CNOT6: variants seen among roughly 807,000 people sequenced by gnomAD.
CNOT6 encodes the protein CCR4-NOT transcription complex subunit 6, also known as carbon catabolite repression 4 protein.
CNOT6 carries 12 observed loss-of-function variants against 61.2 expected under a neutral mutation model. That is an observed-to-expected ratio of 0.20 (90% CI 0.13 to 0.32). The LOEUF (loss-of-function observed/expected upper bound fraction) is 0.32. Ranked by LOEUF, CNOT6 falls within the 10% of genes least tolerant of loss-of-function variation. The pLI is 1.00. For synonymous variants in CNOT6, 225 were observed against 240.6 expected, an observed-to-expected ratio of 0.94 and a Z score of 0.60; for missense variants, 405 against 663.9, an observed-to-expected ratio of 0.61 and a Z score of 4.28.
At chr5:180,498,354 T>C (rs1458254079) in intron 1 of CNOT6, among the ~76,000 whole-genome samples, 11 of 152,200 alleles carry the variant, frequency 7.2e-5, no homozygotes, top group Non-Finnish European at 1.5e-5. Flanking sequence ...CTTCTCATAG[T>C]GTATAGGCTT....
At chr5:180,537,801 TCTC>T (rs1235414408) in intron 2 of CNOT6, among the ~76,000 whole-genome samples, 169 of 68,282 alleles carry the variant, frequency 2.5e-3, no homozygotes, top group African/African-American at 7.3e-3. Context: ...CCTCTTTCTC[TCTC>T]TTTTTTTTTT....
chr5:180,511,869 A>T (rs546700170), intron 1 of CNOT6, among the ~76,000 whole-genome samples: 176 of 152,294 alleles, frequency 1.2e-3, no homozygotes, highest in South Asian at 8.5e-3. Flanking sequence ...CAATCCTCCC[A>T]CCTCAGCCTG....
Position 180,553,844 on chromosome 5 carries a change from A to G in CNOT6, c.385+373A>G, listed in dbSNP as rs140908678. ...TAGTACAGAAAACAGGAAGTCGAAA[A>G]TGTTGACCATTTGAACCTGCTGATG... On this transcript the variant is annotated intron_variant, in intron 4 of 11. Coordinates refer to ENST00000261951, the MANE Select transcript of CNOT6 (RefSeq NM_001370472.1). 3.5e-4 allele frequency among the ~76,000 whole-genome samples: 54 copies of G among 152,314 alleles called. No individual in the cohort carries two copies. The East Asian group carries it at 0.01, about 28-fold the overall frequency.
At chr5:180,548,994 C>T (rs1160104093) in intron 2 of CNOT6, among the ~76,000 whole-genome samples, 1 of 152,160 alleles carries the variant, frequency 6.6e-6, no homozygotes, top group Non-Finnish European at 1.5e-5. Flanking sequence ...TTTTATCATT[C>T]TGTTCTTAGT....
intron 2 of CNOT6, among the ~76,000 whole-genome samples, chr5:180,540,508 C>T (rs1056878150): frequency 6.6e-6 from 1 of 152,096 alleles, no homozygotes; most frequent in African/African-American, 2.4e-5. Flanking sequence ...TTCTATTTTT[C>T]ACTTTCACTA....
intron 4 of CNOT6, among the ~76,000 whole-genome samples, chr5:180,557,846 C>A (rs1162291113): frequency 6.6e-6 from 1 of 152,124 alleles, no homozygotes; most frequent in East Asian, 1.9e-4. Flanking sequence ...ACATTTAAGT[C>A]TATGATCCAT....
rs778127156 is a variant in CNOT6, at chr5:180,533,311, CCTATATATATATATAT to C, written c.112+3924_112+3939del. 2.9e-3 allele frequency among the ~76,000 whole-genome samples: 190 copies of C among 65,222 alleles called. 1 individual carries two copies. The highest frequency in any genetic ancestry group is 0.011 in the African/African-American group (184 of 17,450). The allele number at this position is 65,222 out of a possible 152,430, so 42.8% of individuals were successfully genotyped here. On this transcript the variant is annotated intron_variant, in intron 2 of 11. Transcript: ENST00000261951. Reference sequence around the variant, plus strand: ...AGGAACCAGGAACCATGGATGAAAACCTATATATATATATATATATATATATATATATCACCGTAAT... The same window carrying C: ...AGGAACCAGGAACCATGGATGAAAACATATATATATATATATCACCGTAAT...
intron 4 of CNOT6, among the ~76,000 whole-genome samples, chr5:180,562,161 T>C (rs1163611836): frequency 6.6e-6 from 1 of 152,184 alleles, no homozygotes; most frequent in Non-Finnish European, 1.5e-5. Context: ...CTCATCCCTG[T>C]GCCGTTCGTC....
intron 1 of CNOT6, among the ~76,000 whole-genome samples, chr5:180,497,224 G>A (rs1020633653): frequency 6.6e-6 from 1 of 151,826 alleles, no homozygotes; most frequent in African/African-American, 2.4e-5. Context: ...CTATTCAGTA[G>A]GCTGAGGTGG....
intron 2 of CNOT6, among the ~76,000 whole-genome samples, chr5:180,535,002 C>G (rs35140643): frequency 3.4e-4 from 14 of 41,170 alleles, no homozygotes; most frequent in East Asian, 5.7e-4. Context: ...GGCCGGAGTC[C>G]CTGGGGTCCG....
At chr5:180,520,958 C>A (rs1020257681) in intron 1 of CNOT6, among the ~76,000 whole-genome samples, 2 of 151,960 alleles carry the variant, frequency 1.3e-5, no homozygotes, top group Admixed American at 1.3e-4. Flanking sequence ...AATTCTCCTG[C>A]CTCAGCCTCC....
At chr5:180,537,860 A>G (rs983059494) in intron 2 of CNOT6, among the ~76,000 whole-genome samples, 4 of 129,506 alleles carry the variant, frequency 3.1e-5, no homozygotes, top group African/African-American at 1.2e-4. Context: ...CCATTTGTTC[A>G]TTGCCAGTGT....
chr5:180,499,515 C>T (rs1756769617), intron 1 of CNOT6, among the ~76,000 whole-genome samples: 1 of 152,334 alleles, frequency 6.6e-6, no homozygotes, highest in South Asian at 2.1e-4. Flanking sequence ...AAGAAGTTCT[C>T]ATACAACTGT....
Position 180,574,207 on chromosome 5 carries a change from A to C in CNOT6, c.*7A>C. On this transcript the variant is annotated 3_prime_UTR_variant, in exon 12 of 12. Coordinates refer to ENST00000261951, the MANE Select transcript of CNOT6 (RefSeq NM_001370472.1). ...CCTTCCTGGCAGGAGGTAGTCAAGC[A>C]CCTTCAGAGGACAGCCTTGATTCAC... 1 of 1,608,316 alleles carries C rather than the reference A, an allele frequency of 6.2e-7. No homozygotes were observed. Among genetic ancestry groups the C allele is most frequent in the South Asian group, 1.1e-5 (1 of 90,938 alleles).
At position 180,567,342 on chromosome 5, in the gene CNOT6, A is replaced by G. The variant is rs1352645756; in HGVS notation, c.872+100A>G. ...TTGGCAAATGAGAGAATGAGGCACTATATTATTACTGAAGCAAAGAATACT... is the reference window on the plus strand; with the variant it reads ...TTGGCAAATGAGAGAATGAGGCACTGTATTATTACTGAAGCAAAGAATACT... On this transcript the variant is annotated intron_variant, in intron 8 of 11. Coordinates refer to ENST00000261951, the MANE Select transcript of CNOT6 (RefSeq NM_001370472.1). 6 of 994,554 alleles carry G rather than the reference A, an allele frequency of 6.0e-6. No individual in the cohort carries two copies. In the East Asian group the frequency reaches 1.3e-4, roughly 21 times the overall value. The allele number at this position is 994,554 out of a possible 1,614,324, so 61.6% of individuals were successfully genotyped here.
chr5:180,554,469 T>C (rs892837848), intron 4 of CNOT6, among the ~76,000 whole-genome samples: 11 of 151,584 alleles, frequency 7.3e-5, no homozygotes, highest in Admixed American at 4.6e-4. Flanking sequence ...AATACAGTTA[T>C]ATAAAAGGTT....
At chr5:180,520,982 C>CTCGCCGAG (rs1442190926) in intron 1 of CNOT6, among the ~76,000 whole-genome samples, 3 of 151,730 alleles carry the variant, frequency 2.0e-5, no homozygotes, top group Non-Finnish European at 4.4e-5. Flanking sequence ...GTAACTGGGA[C>CTCGCCGAG]TATGGGCACC....
chr5:180,559,851 T>TA (rs1760080067), intron 4 of CNOT6, among the ~76,000 whole-genome samples: 1 of 152,186 alleles, frequency 6.6e-6, no homozygotes, highest in African/African-American at 2.4e-5. Context: ...TCAAGGGAAA[T>TA]ATCAAACCTT....
chr5:180,541,257 G>A (rs1160476741), intron 2 of CNOT6, among the ~76,000 whole-genome samples: 3 of 151,458 alleles, frequency 2.0e-5, no homozygotes, highest in South Asian at 4.2e-4. Flanking sequence ...TCCTGCCTCA[G>A]CCTCCTGAGT....
Sources: gnomAD v4.1 joint callset for allele counts (sites outside exome capture counted in the v4.1 genomes callset) on GRCh38, gnomAD v4.1.1 for gene constraint, MANE v1.5 for transcripts, NCBI Gene and HGNC (gene_info 2026-07-23, HGNC 2026-07-21) for gene names.